The following RBL1 variants were observed in gnomAD, a reference collection of about 807,000 sequenced individuals.
RBL1 encodes RB transcriptional corepressor like 1.
A neutral mutation model predicts 123.0 loss-of-function variants in RBL1; 82 were observed. The ratio of observed to expected loss-of-function variants is 0.67; its 90% confidence interval spans 0.56 to 0.80. RBL1 has a LOEUF of 0.80. Ranked by LOEUF, RBL1 falls within the 30% of genes least tolerant of loss-of-function variation. The pLI is 0.00. For synonymous variants in RBL1, 405 were observed against 441.3 expected (o/e 0.92, Z 1.03); for missense variants, 1,171 against 1,299.6 (o/e 0.90, Z 1.52).
At chr20:37,000,941 TGAG>T (rs2063966151) in intron 21 of RBL1, among the ~76,000 whole-genome samples, 1 of 107,800 alleles carries the variant, frequency 9.3e-6, no homozygotes. Context: ...ATCCGGGAGG[TGAG>T]GGGCGCCTCT....
chr20:37,018,266 T>C lies in RBL1; in HGVS notation c.2722+13A>G, dbSNP rs374653438. On this transcript the variant is annotated intron_variant, in intron 19 of 21. Transcript: ENST00000373664. ...TGTGTTTTACATATAATATGTTAAATTGGATAACTTACCACAATCTATCAT... is the reference window on the plus strand; with the variant it reads ...TGTGTTTTACATATAATATGTTAAACTGGATAACTTACCACAATCTATCAT... The C allele has an allele frequency of 1.1e-4, 173 of 1,600,870 alleles. No individual in the cohort carries two copies. The highest frequency in any genetic ancestry group is 8.9e-4 in the African/African-American group (66 of 74,450).
intron 19 of RBL1, among the ~76,000 whole-genome samples, chr20:37,011,530 G>A (rs958503890): frequency 6.6e-6 from 1 of 151,484 alleles, no homozygotes; most frequent in African/African-American, 2.4e-5. Context: ...AGCCCCCAGG[G>A]TTCAAGCAAT....
At chr20:37,046,169 G>C (rs558943979) in intron 12 of RBL1, among the ~76,000 whole-genome samples, 3 of 152,248 alleles carry the variant, frequency 2.0e-5, no homozygotes, top group African/African-American at 7.2e-5. Context: ...TATTATTACG[G>C]CTTTATTAGT....
intron 7 of RBL1, among the ~76,000 whole-genome samples, chr20:37,064,987 A>G (rs1425320533): frequency 1.4e-5 from 2 of 147,702 alleles, no homozygotes; most frequent in East Asian, 4.0e-4. Context: ...ACTGAAGTGC[A>G]GTGGTGCAAT....
chr20:37,051,954 G>A (rs1461100828), intron 11 of RBL1, among the ~76,000 whole-genome samples: 5 of 151,904 alleles, frequency 3.3e-5, no homozygotes, highest in South Asian at 4.1e-4. Flanking sequence ...GAAGGCAGGA[G>A]TGGTTATTCA....
In RBL1 at chr20:36,998,926, A is replaced by T; in HGVS notation, c.3040T>A (p.Leu1014Met). The change falls in exon 22 of 22, where the codon TTG (leucine) becomes ATG (methionine). Residue 1014 changes from leucine (L) to methionine (M), a missense_variant. Physicochemically the swap from Leu to Met is conservative, Grantham distance 15 (BLOSUM62 2). Transcript: ENST00000373664. ...CTTATCATGTTGTTGATATCTTTCAAACTCTGTGCAGAAATAGAGAACGTG... is the reference window on the plus strand; with the variant it reads ...CTTATCATGTTGTTGATATCTTTCATACTCTGTGCAGAAATAGAGAACGTG... Reference protein sequence around the residue: ...YKFNGSPSKSLKDINNMIRQG... With the variant: ...YKFNGSPSKSMKDINNMIRQG... 6.2e-7 allele frequency: 1 copy of T among 1,610,590 alleles called. No individual in the cohort carries two copies. Among genetic ancestry groups the T allele is most frequent in the Non-Finnish European group, 8.5e-7 (1 of 1,178,596 alleles).
intron 19 of RBL1, among the ~76,000 whole-genome samples, chr20:37,009,895 T>C (rs2064125564): frequency 6.6e-6 from 1 of 152,018 alleles, no homozygotes; most frequent in African/African-American, 2.4e-5. Flanking sequence ...TGTGGTGGCA[T>C]GCACCTTTAG....
chr20:37,030,899 A>C (rs1260762657), intron 16 of RBL1, among the ~76,000 whole-genome samples: 3 of 150,980 alleles, frequency 2.0e-5, no homozygotes, highest in African/African-American at 7.3e-5. Context: ...AACGAAAATT[A>C]GCTGGGCATG....
chr20:37,070,951 A>G (rs1936999), intron 2 of RBL1, among the ~76,000 whole-genome samples: 21,062 of 151,846 alleles, frequency 0.14, 2,175 homozygotes, highest in East Asian at 0.48. Context: ...GCTGGAGTGC[A>G]GTGGCATGAT....
At chr20:37,040,025 C>T in intron 14 of RBL1, 128 bp downstream of exon 14, 3 of 1,279,678 alleles carry the variant, frequency 2.3e-6, no homozygotes, top group Non-Finnish European at 3.3e-6. Flanking sequence ...AAGCATCAAG[C>T]TCCTTTTCGA....
intron 18 of RBL1, among the ~76,000 whole-genome samples, chr20:37,018,896 T>G (rs1038548741): frequency 1.3e-5 from 2 of 152,076 alleles, no homozygotes; most frequent in African/African-American, 2.4e-5. Flanking sequence ...TGCATTGAGC[T>G]GAGATCGCAC....
chr20:37,067,965 A>T, intron 3 of RBL1, 21 bp downstream of exon 3: 1 of 1,604,398 alleles, frequency 6.2e-7, no homozygotes, highest in Middle Eastern at 1.7e-4. Flanking sequence ...TATGTCAATT[A>T]TATAAGGATT....
intron 9 of RBL1, among the ~76,000 whole-genome samples, chr20:37,058,518 GAA>G (rs1230762198): frequency 1.0e-4 from 7 of 68,890 alleles, no homozygotes; most frequent in Admixed American, 1.6e-4. Flanking sequence ...CGCCTCAAAA[GAA>G]AAAAAAAAAA....
intron 19 of RBL1, among the ~76,000 whole-genome samples, chr20:37,010,793 CACAT>C (rs774185257): frequency 6.6e-6 from 1 of 151,500 alleles, no homozygotes; most frequent in Non-Finnish European, 1.5e-5. Flanking sequence ...TGTGTGTCCA[CACAT>C]ACATACATAT....
At chr20:37,088,930 G>T in intron 2 of RBL1, 59 bp downstream of exon 2, 1 of 1,233,346 alleles carries the variant, frequency 8.1e-7, no homozygotes, top group Non-Finnish European at 1.1e-6. Flanking sequence ...CAAAACAAGA[G>T]AAAACTGATT....
chr20:37,037,910 C>T (rs1277040628), intron 14 of RBL1, among the ~76,000 whole-genome samples: 1 of 151,652 alleles, frequency 6.6e-6, no homozygotes, highest in African/African-American at 2.4e-5. Context: ...TGGTCTTGAA[C>T]TCCTGACCTC....
At chr20:37,095,722 G>A in intron 1 of RBL1, 51 bp downstream of exon 1, 2 of 1,502,610 alleles carry the variant, frequency 1.3e-6, no homozygotes, top group Non-Finnish European at 1.8e-6. Flanking sequence ...GCGGGGCAGG[G>A]GTGGGGCCTG....
rs1201054747 is a variant in RBL1, at chr20:37,045,544, G to A, written c.1606-1294C>T. 2.0e-5 allele frequency among the ~76,000 whole-genome samples: 3 copies of A among 152,022 alleles called. No individual in the cohort carries two copies. In the East Asian group the frequency reaches 5.8e-4, roughly 29 times the overall value. On this transcript the variant is annotated intron_variant, in intron 12 of 21. Transcript: ENST00000373664. ...ACAGTGAGAGGATTGCTTGAGACCA[G>A]GAGTTCGAGACCAGCCTGGGCAACA...
At position 36,998,571 on chromosome 20, in the gene RBL1, C is replaced by A. The variant is rs1456440139; in HGVS notation, c.*188G>T. The A allele has an allele frequency of 9.9e-5, 55 of 554,532 alleles. No homozygotes were observed. In the Admixed American group the frequency reaches 1.5e-3, roughly 15 times the overall value. 34.4% of individuals were successfully genotyped at this position (554,532 alleles called of 1,614,324 possible). On this transcript the variant is annotated 3_prime_UTR_variant, in exon 22 of 22. Coordinates refer to ENST00000373664, the MANE Select transcript of RBL1 (RefSeq NM_002895.5). ...GCACTTAAAATATTCCTTTCCAATC[C>A]AACTCAAAATACATCTCTGTCAACT...
Sources: gnomAD v4.1 joint callset for allele counts (sites outside exome capture counted in the v4.1 genomes callset) on GRCh38, gnomAD v4.1.1 for gene constraint, MANE v1.5 for transcripts, NCBI Gene and HGNC (gene_info 2026-07-23, HGNC 2026-07-21) for gene names.